Variants in USP42 observed in about 807,000 individuals in gnomAD.
USP42 encodes ubiquitin carboxyl-terminal hydrolase 42.
A neutral mutation model predicts 113.0 loss-of-function variants in USP42; 23 were observed. That is an observed-to-expected ratio of 0.20 (90% CI 0.15 to 0.29). The LOEUF (loss-of-function observed/expected upper bound fraction) is 0.29, where lower values mean the gene tolerates loss of function less well. Ranked by LOEUF, USP42 falls within the 10% of genes least tolerant of loss-of-function variation. USP42 has a pLI of 1.00. For missense variants in USP42, 2,174 were observed against 1,779.8 expected (o/e 1.22, Z -3.99); for synonymous variants, 933 against 699.0 (o/e 1.33, Z -5.28).
chr7:6,154,651 G>A lies in USP42; in HGVS notation c.3097G>A (p.Val1033Ile), dbSNP rs1782313699. ...CCGGAGCGGGGTGGAGCTGGACTGG[G>A]TCAGACACCACTACACCGAGGGCGA... ...RHRSGVELDW[V>I]RHHYTEGERG... Residue 1033 changes from valine to isoleucine, a missense_variant, in exon 15 of 18, where the codon GTC becomes ATC. Val to Ile is a conservative substitution (Grantham distance 29). Transcript: ENST00000306177. The A allele has an allele frequency of 1.6e-5, 25 of 1,606,140 alleles. No homozygotes were observed. The highest frequency in any genetic ancestry group is 1.9e-5 in the Non-Finnish European group (22 of 1,177,378).
rs1781798232 is a variant in USP42, at chr7:6,147,771, C to A, written c.1265C>A (p.Thr422Asn). ...SHDVKNGGEL[T>N]HPTHSPGQSS... ...GATGTGAAAAATGGAGGTGAACTTA[C>A]TCATCCCACCCATAGCCCCGGCCAG... The change falls in exon 12 of 18, where the codon ACT becomes AAT. Residue 422 changes from threonine (T) to asparagine (N), a missense_variant. By Grantham distance (65) the Thr-to-Asn change is moderately conservative. Transcript: ENST00000306177. The A allele has an allele frequency of 6.3e-7, 1 of 1,595,264 alleles. No individual in the cohort carries two copies. Among genetic ancestry groups the A allele is most frequent in the Non-Finnish European group, 8.6e-7 (1 of 1,167,140 alleles).
intron 3 of USP42, among the ~76,000 whole-genome samples, chr7:6,133,796 A>C (rs1357583169): frequency 6.6e-6 from 1 of 152,064 alleles, no homozygotes; most frequent in Non-Finnish European, 1.5e-5. Context: ...CTGGGATGAC[A>C]GGCGTAAGCC....
chr7:6,097,753 G>A, the USP42 span, among the ~76,000 whole-genome samples: 3 of 149,298 alleles, frequency 2.0e-5, no homozygotes, highest in Admixed American at 6.6e-5. Flanking sequence ...ACCATGCCCC[G>A]CTAATTTTTT....
At chr7:6,130,608 G>A (rs934588230) in intron 3 of USP42, among the ~76,000 whole-genome samples, 1 of 152,176 alleles carries the variant, frequency 6.6e-6, no homozygotes, top group African/African-American at 2.4e-5. Context: ...CGTTAACCCA[G>A]TATGGGTTAG....
At chr7:6,143,040 T>A in intron 8 of USP42, 26 bp downstream of exon 8, 1 of 1,612,628 alleles carries the variant, frequency 6.2e-7, no homozygotes, top group South Asian at 1.1e-5. Context: ...ACTTGATTCT[T>A]GATGCCGGCT....
chr7:6,154,349 C>A lies in USP42; in HGVS notation c.2795C>A (p.Ala932Asp), dbSNP rs376926258. The part of the protein sequence containing the change: ...ERVEDAAAPK[A>D]PGPSPAKEKI... Reference sequence around the variant, plus strand: ...GTCGAGGACGCCGCGGCGCCGAAAGCCCCAGGCCCTTCCCCAGCGAAGGAG... The same window carrying A: ...GTCGAGGACGCCGCGGCGCCGAAAGACCCAGGCCCTTCCCCAGCGAAGGAG... The change falls in exon 15 of 18, where the codon GCC becomes GAC. Residue 932 changes from alanine to aspartate, a missense_variant. Physicochemically the swap from Ala to Asp is moderately radical, Grantham distance 126. Coordinates refer to ENST00000306177, the MANE Select transcript of USP42 (RefSeq NM_032172.3). 71 of 1,573,284 alleles carry A rather than the reference C, an allele frequency of 4.5e-5. No homozygotes were observed. Among genetic ancestry groups the A allele is most frequent in the Non-Finnish European group, 6.1e-5 (71 of 1,160,756 alleles).
rs368554957 is a variant in USP42 at position 6,111,290 on chromosome 7, T to C, written c.157T>C (p.Ser53Pro). 3.1e-6 allele frequency: 5 copies of C among 1,607,536 alleles called. No individual in the cohort carries two copies. In the African/African-American group the frequency reaches 4.0e-5, roughly 13 times the overall value. The change falls in exon 2 of 18, where the codon TCT becomes CCT. Residue 53 changes from serine (S) to proline (P), a missense_variant. Coordinates refer to ENST00000306177, the MANE Select transcript of USP42 (RefSeq NM_032172.3). Reference sequence around the variant, plus strand: ...GAATGATGTGTCAAATCACACACTTTCTTTAGGACCAGTACCTGGTGCTGT... The same window carrying C: ...GAATGATGTGTCAAATCACACACTTCCTTTAGGACCAGTACCTGGTGCTGT... ...SLNDVSNHTL[S>P]LGPVPGAVVY...
rs77008433 is a variant in USP42 at position 6,139,931 on chromosome 7, C to T, written c.657-197C>T. ...GCTCCCACAGCTCTGCGTCTCCTCC[C>T]GCCACTCCCAGACCTCCCTGTGTTC... On this transcript the variant is annotated intron_variant, in intron 5 of 17. Transcript: ENST00000306177. This position sits in a 1 kb window ranked among gnomAD's most constrained non-coding sequence, Gnocchi z 4.5. The T allele has an allele frequency of 2.3e-3, 1,379 of 611,972 alleles. 14 individuals carry two copies. The African/African-American group carries it at 0.023, about 10-fold the overall frequency. The allele number at this position is 611,972 out of a possible 1,614,324, so 37.9% of individuals were successfully genotyped here.
chr7:6,133,023 T>C (rs10280585), intron 3 of USP42, among the ~76,000 whole-genome samples: 14,712 of 152,236 alleles, frequency 0.097, 871 homozygotes, highest in African/African-American at 0.16. Context: ...TGGTTGTAAG[T>C]AGGGGTCCTT....
the USP42 span, among the ~76,000 whole-genome samples, chr7:6,089,513 G>A: frequency 4.0e-5 from 6 of 149,122 alleles, no homozygotes; most frequent in South Asian, 4.2e-4. Context: ...CCTGGACCCC[G>A]TCCCTGCTTC....
chr7:6,131,134 A>G (rs900713453), intron 3 of USP42, among the ~76,000 whole-genome samples: 2 of 152,102 alleles, frequency 1.3e-5, no homozygotes, highest in African/African-American at 4.8e-5. Flanking sequence ...GCCCTTTGCT[A>G]CCTCTAAGAA....
intron 12 of USP42, among the ~76,000 whole-genome samples, chr7:6,149,179 C>T (rs887261742): frequency 2.0e-5 from 3 of 152,142 alleles, no homozygotes; most frequent in African/African-American, 4.8e-5. Flanking sequence ...TCTCCGCCCA[C>T]GTGACCGTCT....
intron 1 of USP42, 23 bp from the exon 2 acceptor site, chr7:6,111,098 CAAAT>C: frequency 1.3e-6 from 2 of 1,590,752 alleles, no homozygotes; most frequent in Non-Finnish European, 1.7e-6. Flanking sequence ...CCTGATGAAA[CAAAT>C]ACATACTTTT....
At chr7:6,088,330 A>G in the USP42 span, among the ~76,000 whole-genome samples, 1 of 150,758 alleles carries the variant, frequency 6.6e-6, no homozygotes, top group Non-Finnish European at 1.5e-5. Flanking sequence ...ATCTCGGCTC[A>G]CTGCAACCTC....
chr7:6,090,469 C>T, the USP42 span, among the ~76,000 whole-genome samples: 20 of 145,810 alleles, frequency 1.4e-4, no homozygotes, highest in East Asian at 2.5e-3. Context: ...AATCCCGGCA[C>T]TTTGGGAGGC....
chr7:6,092,177 TC>T, the USP42 span, among the ~76,000 whole-genome samples: 2 of 126,840 alleles, frequency 1.6e-5, no homozygotes, highest in Non-Finnish European at 3.4e-5. Flanking sequence ...CTTCTTCTTC[TC>T]TTTTTTTTTT....
intron 7 of USP42, among the ~76,000 whole-genome samples, chr7:6,141,196 C>CTTTTTTTTTTTTTTTTTTTTTTTT (rs199589142): frequency 7.6e-6 from 1 of 131,872 alleles, no homozygotes; most frequent in South Asian, 2.4e-4. Flanking sequence ...TTTTCTTTTT[C>CTTTTTTTTTTTTTTTTTTTTTTTT]TTTTCTTTTT....
chr7:6,114,414 T>G (rs915480867), intron 2 of USP42, among the ~76,000 whole-genome samples: 10 of 151,978 alleles, frequency 6.6e-5, no homozygotes, highest in African/African-American at 2.4e-4. Flanking sequence ...AACTTTGACA[T>G]TTATCAACTT....
chr7:6,151,807 G>C (rs1782069662), intron 14 of USP42, among the ~76,000 whole-genome samples: 1 of 152,184 alleles, frequency 6.6e-6, no homozygotes, highest in Non-Finnish European at 1.5e-5. Context: ...ACTTCCATGG[G>C]ACTGGCAGTG....
Sources: allele counts gnomAD v4.1 joint callset (sites outside exome capture counted in the v4.1 genomes callset), GRCh38; gene constraint gnomAD v4.1.1; non-coding constraint Gnocchi (gnomAD v3.1); transcripts MANE v1.5; gene names NCBI Gene and HGNC (gene_info 2026-07-23, HGNC 2026-07-21).